Variants in P3H3 observed in about 807,000 individuals in gnomAD.
The protein encoded by P3H3 is prolyl 3-hydroxylase 3.
P3H3 carries 64 observed loss-of-function variants against 78.1 expected under a neutral mutation model. The observed-to-expected ratio is 0.82, with a 90% CI of 0.67 to 1.01. The LOEUF is 1.01. Among genes scored for constraint, P3H3 ranks in the 50% least tolerant of loss-of-function variants. The pLI, the probability that P3H3 is intolerant of heterozygous loss-of-function variation, is 0.00. For missense variants in P3H3, 975 were observed against 982.2 expected (o/e 0.99, Z 0.10); for synonymous variants, 425 against 416.7 (o/e 1.02, Z -0.24).
At position 6,839,444 on chromosome 12, in the gene P3H3, G is replaced by A. The variant is rs782383239; in HGVS notation, c.2194G>A (p.Val732Ile). ...AGACAAGACTGGAAGGGCACCTCGG[G>A]TTCGGGAGGAGCTGTGAGTGGCTGA... ...VQDKTGRAPR[V>I]REEL Residue 732 changes from valine (V) to isoleucine (I), a missense_variant, in exon 15 of 15, where the codon GTT becomes ATT. Coordinates refer to ENST00000290510, the MANE Select transcript of P3H3 (RefSeq NM_014262.5). 1.7e-5 allele frequency: 26 copies of A among 1,551,360 alleles called. No individual in the cohort carries two copies. Among genetic ancestry groups the A allele is most frequent in the Non-Finnish European group, 2.2e-5 (25 of 1,146,942 alleles).
chr12:6,837,578 G>T lies in P3H3; in HGVS notation c.1711+5G>T, dbSNP rs781963836. ...TGTGCCGCAGCGCCATAGAAGGTAC[G>T]ACAGGGACCCCCCACTGCTCTTCTC... On this transcript the variant is annotated splice_donor_5th_base_variant and intron_variant, in intron 11 of 14. Transcript: ENST00000290510. 1.9e-6 allele frequency: 3 copies of T among 1,611,254 alleles called. No individual in the cohort carries two copies. Among genetic ancestry groups the T allele is most frequent in the South Asian group, 1.1e-5 (1 of 90,570 alleles).
rs782195409 is a variant in P3H3, at chr12:6,835,951, C to T, written c.1459-1034C>T. Among the ~76,000 whole-genome samples the T allele has an allele frequency of 5.3e-5, 8 of 152,106 alleles. No individual in the cohort carries two copies. The South Asian group carries it at 1.5e-3, about 28-fold the overall frequency. On this transcript the variant is annotated intron_variant, in intron 9 of 14. Coordinates refer to ENST00000290510, the MANE Select transcript of P3H3 (RefSeq NM_014262.5). ...ATTGACGAATGCCACCGTTGGCTGGCGAGGTGGCTCACACCTGTAATCCCA... is the reference window on the plus strand; with the variant it reads ...ATTGACGAATGCCACCGTTGGCTGGTGAGGTGGCTCACACCTGTAATCCCA...
rs1256187924 is a variant in P3H3 at position 6,829,771 on chromosome 12, T to A, written c.499-88T>A. ...GGCTCTGGGGCACCCAGAGTGTGTG[T>A]CTGGGGTAGGGTGGGGAGGCTGGCC... On this transcript the variant is annotated intron_variant, in intron 1 of 14. Transcript: ENST00000290510. The surrounding 1 kb of genome is among the most constrained non-coding windows in gnomAD (Gnocchi z 5.1). 4.2e-6 allele frequency: 6 copies of A among 1,438,290 alleles called. No homozygotes were observed. In the African/African-American group the frequency reaches 8.5e-5, roughly 20 times the overall value. The allele number at this position is 1,438,290 out of a possible 1,614,324, so 89.1% of individuals were successfully genotyped here. A position where few individuals can be genotyped will look rare whatever the true frequency, so the allele number is the denominator to read the frequency against.
chr12:6,833,495 G>A (rs1943468292), intron 6 of P3H3, 97 bp from the exon 7 acceptor site: 1 of 1,280,854 alleles, frequency 7.8e-7, no homozygotes, highest in Admixed American at 1.7e-5. Flanking sequence ...CTTCCTCTCT[G>A]GAAACAGAAG....
chr12:6,829,130 A>G lies in P3H3; in HGVS notation c.498+192A>G. 1 of 399,348 alleles carries G rather than the reference A, an allele frequency of 2.5e-6. No homozygotes were observed. Among genetic ancestry groups the G allele is most frequent in the East Asian group, 3.6e-5 (1 of 27,904 alleles). 24.7% of individuals were successfully genotyped at this position (399,348 alleles called of 1,614,324 possible). ...TCTTGAGATCGCAGAGGAGCAGCCG[A>G]GGGGGAGTGCGAGCAGAATGGGAAT... On this transcript the variant is annotated intron_variant, in intron 1 of 14. Coordinates refer to ENST00000290510, the MANE Select transcript of P3H3 (RefSeq NM_014262.5). This position sits in a 1 kb window ranked among gnomAD's most constrained non-coding sequence, Gnocchi z 5.1.
intron 4 of P3H3, 47 bp downstream of exon 4, chr12:6,830,817 T>A (rs1265086095): frequency 6.2e-7 from 1 of 1,612,184 alleles, no homozygotes; most frequent in Non-Finnish European, 8.5e-7. Flanking sequence ...TTGCCTCTGC[T>A]GCTATCCTGA....
In P3H3 at chr12:6,828,840, G is replaced by C. The variant is rs1555120862; in HGVS notation, c.400G>C (p.Gly134Arg). The C allele has an allele frequency of 8.0e-7, 1 of 1,244,046 alleles. No individual in the cohort carries two copies. Among genetic ancestry groups the C allele is most frequent in the East Asian group, 3.2e-5 (1 of 31,744 alleles). 77.1% of individuals were successfully genotyped at this position (1,244,046 alleles called of 1,614,324 possible). A position where few individuals can be genotyped will look rare whatever the true frequency, so the allele number is the denominator to read the frequency against. ...GACCCAGTGCGCAGCACGGAGGCTG[G>C]GCCCCGGGGGCGCGGCGCGGCTTCG... ...CLTQCAARRLGPGGAARLRVG... is the reference protein window; with the variant it reads ...CLTQCAARRLRPGGAARLRVG... Residue 134 changes from glycine (G) to arginine (R), a missense_variant, in exon 1 of 15, where the codon GGC becomes CGC. Gly to Arg is a moderately radical substitution (Grantham distance 125). Coordinates refer to ENST00000290510, the MANE Select transcript of P3H3 (RefSeq NM_014262.5).
In P3H3 at chr12:6,837,952, C is replaced by A. The variant is rs782471006; in HGVS notation, c.1830-6C>A. 6.9e-6 allele frequency: 11 copies of A among 1,602,680 alleles called. No individual in the cohort carries two copies. In the East Asian group the frequency reaches 2.3e-4, roughly 33 times the overall value. ...CTCACTGCCTCTTGCTTTTTTCCCT[C>A]CCCAGCGGACTCCTCTACCTCAACG... On this transcript the variant is annotated splice_polypyrimidine_tract_variant and splice_region_variant and intron_variant, in intron 12 of 14. Coordinates refer to ENST00000290510, the MANE Select transcript of P3H3 (RefSeq NM_014262.5).
chr12:6,830,334 C>G lies in P3H3; in HGVS notation c.652-19C>G, dbSNP rs782716626. 3.8e-6 allele frequency: 6 copies of G among 1,563,100 alleles called. No homozygotes were observed. The highest frequency in any genetic ancestry group is 1.4e-5 in the African/African-American group (1 of 73,482). The stretch of plus-strand genomic sequence containing the variant: ...CAACCCCTGGATCTTAGGTGACTGA[C>G]TGCTCCCTTCCCCAACAGGCAGCCT... On this transcript the variant is annotated intron_variant, in intron 2 of 14. Coordinates refer to ENST00000290510, the MANE Select transcript of P3H3 (RefSeq NM_014262.5).
In P3H3 at chr12:6,839,116, G is replaced by A. The variant is rs782469130; in HGVS notation, c.2022G>A (p.Thr674=). 1.6e-5 allele frequency: 25 copies of A among 1,606,168 alleles called. No individual in the cohort carries two copies. Among genetic ancestry groups the A allele is most frequent in the East Asian group, 6.7e-5 (3 of 44,836 alleles). ...GRRCALALWH[T]WAPEHREQEW... ...GCTGTGCCCTGGCACTGTGGCACAC[G>A]TGGGCACCTGAGCACAGGGAGCAGG... The change falls in exon 14 of 15, where the codon ACG becomes ACA. Residue 674 remains threonine (T), a synonymous_variant. Coordinates refer to ENST00000290510, the MANE Select transcript of P3H3 (RefSeq NM_014262.5).
chr12:6,839,144 A>G lies in P3H3; in HGVS notation c.2046+4A>G. The stretch of plus-strand genomic sequence containing the variant: ...GGCACCTGAGCACAGGGAGCAGGTA[A>G]GGAGCGGGGTAGGAAGGGATGTGGT... On this transcript the variant is annotated splice_donor_region_variant and intron_variant, in intron 14 of 14. Transcript: ENST00000290510. The G allele has an allele frequency of 1.3e-6, 2 of 1,597,302 alleles. No homozygotes were observed. Among genetic ancestry groups the G allele is most frequent in the Non-Finnish European group, 1.7e-6 (2 of 1,174,320 alleles).
Position 6,837,004 on chromosome 12 carries a change from C to G in P3H3, c.1478C>G (p.Ala493Gly). Residue 493 changes from alanine (A) to glycine (G), a missense_variant, in exon 10 of 15, where the codon GCC (alanine) becomes GGC (glycine). By Grantham distance (60) the Ala-to-Gly change is moderately conservative. Transcript: ENST00000290510. ...QLAKDAAGAG[A>G]RSGYRGRRSP... ...ATTTAGGATGCAGCTGGGGCTGGAG[C>G]CAGGTCTGGCTATCGTGGTCGCCGC... The G allele has an allele frequency of 6.2e-7, 1 of 1,611,042 alleles. No individual in the cohort carries two copies. The highest frequency in any genetic ancestry group is 8.5e-7 in the Non-Finnish European group (1 of 1,179,668).
chr12:6,837,547 A>G lies in P3H3; in HGVS notation c.1685A>G (p.His562Arg). ...CGGCCCCTGCATCTGTCCTTCACCC[A>G]CCTGGTGTGCCGCAGCGCCATAGAA... ...PERPLHLSFTHLVCRSAIEGE... is the reference protein window; with the variant it reads ...PERPLHLSFTRLVCRSAIEGE... Residue 562 changes from histidine to arginine, a missense_variant, in exon 11 of 15, where the codon CAC (histidine) becomes CGC (arginine). Coordinates refer to ENST00000290510, the MANE Select transcript of P3H3 (RefSeq NM_014262.5). 1 of 1,612,572 alleles carries G rather than the reference A, an allele frequency of 6.2e-7. No homozygotes were observed. The highest frequency in any genetic ancestry group is 8.5e-7 in the Non-Finnish European group (1 of 1,179,400).
In P3H3 at chr12:6,839,746, G is replaced by T. The variant is rs1275932299; in HGVS notation, c.*285G>T. ...GTGCCTCCCTGAACAGAAATGGCAG[G>T]GGAGGAGGCTGATGCTTTAAATGAA... On this transcript the variant is annotated 3_prime_UTR_variant, in exon 15 of 15. Coordinates refer to ENST00000290510, the MANE Select transcript of P3H3 (RefSeq NM_014262.5). 1 of 424,508 alleles carries T rather than the reference G, an allele frequency of 2.4e-6. No homozygotes were observed. The highest frequency in any genetic ancestry group is 4.3e-6 in the Non-Finnish European group (1 of 233,060). The allele number at this position is 424,508 out of a possible 1,614,324, so 26.3% of individuals were successfully genotyped here.
At chr12:6,836,780 C>T (rs782045093) in intron 9 of P3H3, among the ~76,000 whole-genome samples, 41 of 152,324 alleles carry the variant, frequency 2.7e-4, no homozygotes, top group Admixed American at 7.8e-4. Context: ...GGGATTCCAG[C>T]CCGTACCAGA....
intron 6 of P3H3, among the ~76,000 whole-genome samples, chr12:6,832,534 T>C (rs1291620830): frequency 3.9e-5 from 6 of 152,162 alleles, no homozygotes; most frequent in Non-Finnish European, 5.9e-5. Flanking sequence ...TAATGACCCC[T>C]GGGGGCAGAA....
At chr12:6,838,164 G>T (rs990434912) in intron 13 of P3H3, 131 bp downstream of exon 13, 1 of 1,224,190 alleles carries the variant, frequency 8.2e-7, no homozygotes, top group Non-Finnish European at 1.1e-6. Flanking sequence ...CCCCGCCTCC[G>T]CAGCCCTCCC....
intron 9 of P3H3, among the ~76,000 whole-genome samples, chr12:6,836,408 A>AC (rs1207874349): frequency 1.3e-5 from 2 of 151,768 alleles, no homozygotes; most frequent in Non-Finnish European, 2.9e-5. Context: ...ATATTAGGAG[A>AC]CCCCCAGGTA....
chr12:6,839,115 C>A lies in P3H3; in HGVS notation c.2021C>A (p.Thr674Lys), dbSNP rs782219273. The A allele has an allele frequency of 2.5e-6, 4 of 1,606,204 alleles. No individual in the cohort carries two copies. The highest frequency in any genetic ancestry group is 1.7e-4 in the Middle Eastern group (1 of 6,054). ...CGCTGTGCCCTGGCACTGTGGCACA[C>A]GTGGGCACCTGAGCACAGGGAGCAG... ...GRRCALALWH[T>K]WAPEHREQEW... Residue 674 changes from threonine (T) to lysine (K), a missense_variant, in exon 14 of 15, where the codon ACG becomes AAG. Thr to Lys is a moderately conservative substitution (Grantham distance 78). Coordinates refer to ENST00000290510, the MANE Select transcript of P3H3 (RefSeq NM_014262.5).
Sources: allele counts gnomAD v4.1 joint callset (sites outside exome capture counted in the v4.1 genomes callset), GRCh38; gene constraint gnomAD v4.1.1; non-coding constraint Gnocchi (gnomAD v3.1); transcripts MANE v1.5; gene names NCBI Gene and HGNC (gene_info 2026-07-23, HGNC 2026-07-21).